Variants in WASF1 observed in about 807,000 individuals in gnomAD.
WASF1 encodes the protein actin-binding protein WASF1.
WASF1 carries 7 observed loss-of-function variants against 50.5 expected under a neutral mutation model. The observed-to-expected ratio is 0.14, with a 90% CI of 0.08 to 0.26. WASF1 has a LOEUF of 0.26. Ranked by LOEUF, WASF1 falls within the 10% of genes least tolerant of loss-of-function variation. The probability of loss-of-function intolerance (pLI) is 1.00; values close to 1 mark genes in which losing one functional copy is unlikely to be tolerated. For synonymous variants in WASF1, 205 were observed against 244.0 expected, an observed-to-expected ratio of 0.84 and a Z score of 1.49; for missense variants, 470 against 694.7, an observed-to-expected ratio of 0.68 and a Z score of 3.64.
intron 3 of WASF1, among the ~76,000 whole-genome samples, chr6:110,139,457 T>C (rs1775123089): frequency 6.6e-6 from 1 of 152,224 alleles, no homozygotes; most frequent in African/African-American, 2.4e-5. Flanking sequence ...GCTGCCGCCA[T>C]CATAAGCAAA....
chr6:110,138,988 T>C (rs958493824), intron 3 of WASF1, among the ~76,000 whole-genome samples: 2 of 152,222 alleles, frequency 1.3e-5, no homozygotes, highest in African/African-American at 4.8e-5. Flanking sequence ...AGGCTGTTCA[T>C]GCTGAGAGAT....
Position 110,103,577 on chromosome 6 carries a change from T to C in WASF1, c.714-20A>G. On this transcript the variant is annotated intron_variant, in intron 8 of 10. Coordinates refer to ENST00000392589, the MANE Select transcript of WASF1 (RefSeq NM_003931.3). ...TGAGGTCTAAAAGAAATATATAGTA[T>C]CAGTGAATTATTCTTGAATTATTGG... 1 of 1,569,808 alleles carries C rather than the reference T, an allele frequency of 6.4e-7. No individual in the cohort carries two copies. Among genetic ancestry groups the C allele is most frequent in the Non-Finnish European group, 8.7e-7 (1 of 1,152,158 alleles).
In WASF1 at chr6:110,101,911, A is replaced by G. The variant is rs1314663908; in HGVS notation, c.1199T>C (p.Val400Ala). 5 of 1,612,394 alleles carry G rather than the reference A, an allele frequency of 3.1e-6. No individual in the cohort carries two copies. The highest frequency in any genetic ancestry group is 3.3e-5 in the Admixed American group (2 of 59,920). The stretch of plus-strand genomic sequence containing the variant: ...CTCACATACTGGGGCAGCTCTAGCT[A>G]CTGGTGGAGAGGGCTGTACTAGAGG... ...APPLVQPSPP[V>A]ARAAPVCETV... is the part of the protein sequence containing the mutation. The change falls in exon 10 of 11, where the codon GTA becomes GCA. Residue 400 changes from valine (V) to alanine (A), a missense_variant. Transcript: ENST00000392589.
At chr6:110,144,056 T>A (rs998154961) in intron 3 of WASF1, among the ~76,000 whole-genome samples, 1 of 152,150 alleles carries the variant, frequency 6.6e-6, no homozygotes. Flanking sequence ...CCACAATGGT[T>A]GAACTAGTTT....
intron 2 of WASF1, among the ~76,000 whole-genome samples, chr6:110,165,407 T>C (rs950084290): frequency 1.3e-4 from 20 of 151,694 alleles, no homozygotes; most frequent in African/African-American, 4.6e-4. Context: ...CACTGAACTA[T>C]ATACACTTTC....
intron 5 of WASF1, among the ~76,000 whole-genome samples, chr6:110,111,857 C>T (rs752932548): frequency 2.6e-5 from 4 of 151,978 alleles, no homozygotes; most frequent in Non-Finnish European, 4.4e-5. Flanking sequence ...ATTGTGGTGA[C>T]GGTTGCATAA....
At chr6:110,163,283 T>G (rs1378841604) in intron 2 of WASF1, among the ~76,000 whole-genome samples, 1 of 151,594 alleles carries the variant, frequency 6.6e-6, no homozygotes, top group Non-Finnish European at 1.5e-5. Context: ...TTGGGGCTGC[T>G]ATAATGAAGT....
intron 7 of WASF1, among the ~76,000 whole-genome samples, chr6:110,106,040 C>T (rs748254493): frequency 3.7e-4 from 56 of 152,074 alleles, no homozygotes; most frequent in South Asian, 1.0e-3. Context: ...TCTAATTAAC[C>T]GATAATAACT....
At chr6:110,168,604 C>T (rs1055887266) in intron 2 of WASF1, among the ~76,000 whole-genome samples, 1 of 151,998 alleles carries the variant, frequency 6.6e-6, no homozygotes, top group Non-Finnish European at 1.5e-5. Context: ...ACTTGCCAAG[C>T]CTAGAGCAAC....
chr6:110,100,704 C>T lies in WASF1; in HGVS notation c.1523-25G>A, dbSNP rs182059048. On this transcript the variant is annotated intron_variant, in intron 10 of 10. Coordinates refer to ENST00000392589, the MANE Select transcript of WASF1 (RefSeq NM_003931.3). The stretch of plus-strand genomic sequence containing the variant: ...CCTGATACAGTGAATCCAAACCATT[C>T]ATTTAAATCAAAATACTAGATACTA... 5.7e-6 allele frequency: 9 copies of T among 1,572,028 alleles called. No homozygotes were observed. In the African/African-American group the frequency reaches 1.1e-4, roughly 19 times the overall value.
At chr6:110,168,154 T>C (rs1417130950) in intron 2 of WASF1, among the ~76,000 whole-genome samples, 2 of 152,048 alleles carry the variant, frequency 1.3e-5, no homozygotes, top group African/African-American at 4.8e-5. Context: ...ACATGACCTC[T>C]CACATAACAG....
At chr6:110,160,345 T>A (rs1439428290) in intron 3 of WASF1, among the ~76,000 whole-genome samples, 1 of 151,846 alleles carries the variant, frequency 6.6e-6, no homozygotes, top group Non-Finnish European at 1.5e-5. Flanking sequence ...AGACTGTTGG[T>A]AGTTGGAAAC....
chr6:110,103,372 A>G lies in WASF1; in HGVS notation c.893+6T>C. On this transcript the variant is annotated splice_donor_region_variant and intron_variant, in intron 9 of 10. Coordinates refer to ENST00000392589, the MANE Select transcript of WASF1 (RefSeq NM_003931.3). The stretch of plus-strand genomic sequence containing the variant: ...GATAAAACATCATATGCTTGTTCCA[A>G]CATACCTGATACAGGTGGGTATCGG... 1.2e-6 allele frequency: 2 copies of G among 1,610,602 alleles called. No homozygotes were observed. Among genetic ancestry groups the G allele is most frequent in the Middle Eastern group, 1.7e-4 (1 of 6,032 alleles).
In WASF1 at chr6:110,101,711, C is replaced by T. The variant is rs1390499739; in HGVS notation, c.1399G>A (p.Val467Ile). The stretch of plus-strand genomic sequence containing the variant: ...GGAGGAGATGGAGGCATTAATGGAA[C>T]ATGGGGACCTGGGGCAGTAGATGGA... ...PTPSTAPGPHVPLMPPSPPSQ... is the reference protein window; with the variant it reads ...PTPSTAPGPHIPLMPPSPPSQ... Residue 467 changes from valine to isoleucine, a missense_variant, in exon 10 of 11, where the codon GTT becomes ATT. By Grantham distance (29) the Val-to-Ile change is conservative (BLOSUM62 3). Around this residue, in one of 3 missense-constraint regions of WASF1, gnomAD observed 294 missense variants for 343.5 expected, o/e 0.86. Coordinates refer to ENST00000392589, the MANE Select transcript of WASF1 (RefSeq NM_003931.3). The T allele has an allele frequency of 6.2e-7, 1 of 1,614,046 alleles. No individual in the cohort carries two copies. Among genetic ancestry groups the T allele is most frequent in the Admixed American group, 1.7e-5 (1 of 59,992 alleles).
intron 2 of WASF1, among the ~76,000 whole-genome samples, chr6:110,178,022 A>T (rs866823140): frequency 6.6e-6 from 1 of 151,268 alleles, no homozygotes; most frequent in Non-Finnish European, 1.5e-5. Flanking sequence ...TCAAGTTAGA[A>T]AAAAAAAAAC....
chr6:110,118,219 A>G (rs1028139691), intron 4 of WASF1, among the ~76,000 whole-genome samples: 1 of 152,048 alleles, frequency 6.6e-6, no homozygotes, highest in Non-Finnish European at 1.5e-5. Context: ...CAGACTGGCA[A>G]ATTGGATAAA....
At chr6:110,127,397 A>G in intron 4 of WASF1, 72 bp downstream of exon 4, 1 of 1,303,326 alleles carries the variant, frequency 7.7e-7, no homozygotes. Context: ...ATTAATCAGA[A>G]GCACAACTTC....
chr6:110,135,767 T>G (rs537433405), intron 3 of WASF1, among the ~76,000 whole-genome samples: 1 of 149,384 alleles, frequency 6.7e-6, no homozygotes, highest in South Asian at 2.1e-4. Context: ...GGATTTAGTT[T>G]GGGTTTGTCA....
intron 2 of WASF1, among the ~76,000 whole-genome samples, chr6:110,176,779 G>GGT (rs1240496263): frequency 2.6e-5 from 4 of 151,934 alleles, no homozygotes; most frequent in Non-Finnish European, 1.5e-5. Context: ...CCCAAGTGAC[G>GGT]GTGTCAGCTA....
Sources: gnomAD v4.1 joint callset for allele counts (sites outside exome capture counted in the v4.1 genomes callset) on GRCh38, gnomAD v4.1.1 for gene constraint, gnomAD v4.1.1 regional missense constraint, MANE v1.5 for transcripts, NCBI Gene and HGNC (gene_info 2026-07-23, HGNC 2026-07-21) for gene names.